EFHC1: variants seen among roughly 807,000 people sequenced by gnomAD.
The protein encoded by EFHC1 is EF-hand domain-containing protein 1.
Under a neutral mutation model 69.9 loss-of-function variants are expected in EFHC1, and 53 were observed. The observed-to-expected ratio is 0.76, with a 90% CI of 0.61 to 0.95. EFHC1 has a LOEUF of 0.95. Ranked by LOEUF, EFHC1 falls within the 40% of genes least tolerant of loss-of-function variation. EFHC1 has a pLI of 0.00. For missense variants in EFHC1, 739 were observed against 798.7 expected, an observed-to-expected ratio of 0.93 and a Z score of 0.90; for synonymous variants, 256 against 278.4, an observed-to-expected ratio of 0.92 and a Z score of 0.80.
chr6:52,469,575 T>C (rs1001817140), intron 7 of EFHC1, 102 bp downstream of exon 7: 72 of 1,527,942 alleles, frequency 4.7e-5, no homozygotes, highest in Non-Finnish European at 4.1e-5. Context: ...GTCAGAGTTA[T>C]GTGTTGACTC....
Position 52,493,863 on chromosome 6 carries a change from G to A in EFHC1, c.*1522G>A, listed in dbSNP as rs1460790687. On this transcript the variant is annotated 3_prime_UTR_variant, in exon 11 of 11. Transcript: ENST00000371068. ...GCCACCCAAAATGTGGTATGAATGA[G>A]GATAGAGTTACACAGAATTCAGACT... 1 of 454,062 alleles carries A rather than the reference G, an allele frequency of 2.2e-6. No homozygotes were observed. Among genetic ancestry groups the A allele is most frequent in the Non-Finnish European group, 4.4e-6 (1 of 226,784 alleles). The allele number at this position is 454,062 out of a possible 1,614,324, so 28.1% of individuals were successfully genotyped here.
intron 5 of EFHC1, among the ~76,000 whole-genome samples, chr6:52,461,131 C>A (rs1049096684): frequency 6.6e-6 from 1 of 151,952 alleles, no homozygotes; most frequent in Admixed American, 6.6e-5. Context: ...TATGAGTGAG[C>A]TTGTGTCATG....
intron 10 of EFHC1, chr6:52,490,820 T>C (rs1226496851): frequency 5.3e-6 from 1 of 188,458 alleles, no homozygotes; most frequent in East Asian, 1.3e-4. Flanking sequence ...CAGCAGCTGA[T>C]GGAGGAAGGG....
At chr6:52,472,219 G>T (rs1765453830) in intron 7 of EFHC1, among the ~76,000 whole-genome samples, 1 of 152,038 alleles carries the variant, frequency 6.6e-6, no homozygotes, top group South Asian at 2.1e-4. Flanking sequence ...ATCTGTTAAA[G>T]GTTATGTATG....
In EFHC1 at chr6:52,469,591, A is replaced by G. The variant is rs1765390534; in HGVS notation, c.1278+118A>G. On this transcript the variant is annotated intron_variant, in intron 7 of 10. Coordinates refer to ENST00000371068, the MANE Select transcript of EFHC1 (RefSeq NM_018100.4). ...TCAGAGTTATGTGTTGACTCAACCA[A>G]CCATTGTATCTAGTACCCAGCCTTC... 4 of 1,440,856 alleles carry G rather than the reference A, an allele frequency of 2.8e-6. No homozygotes were observed. In the Admixed American group the frequency reaches 6.9e-5, roughly 25 times the overall value. The allele number at this position is 1,440,856 out of a possible 1,614,324, so 89.3% of individuals were successfully genotyped here.
intron 3 of EFHC1, among the ~76,000 whole-genome samples, chr6:52,439,410 T>C (rs1764608916): frequency 1.3e-5 from 2 of 152,208 alleles, no homozygotes; most frequent in Non-Finnish European, 2.9e-5. Flanking sequence ...AGATATTTAT[T>C]TGCATGCCTG....
rs766487516 is a variant in EFHC1, at chr6:52,438,509, A to C, written c.491A>C (p.His164Pro). 2 of 1,614,136 alleles carry C rather than the reference A, an allele frequency of 1.2e-6. No homozygotes were observed. Among genetic ancestry groups the C allele is most frequent in the Non-Finnish European group, 1.7e-6 (2 of 1,179,984 alleles). ...AAGAATGACCGGGGTGACCATTACCATTGGAAAGACCTAAATCGAGGAATA... is the reference window on the plus strand; with the variant it reads ...AAGAATGACCGGGGTGACCATTACCCTTGGAAAGACCTAAATCGAGGAATA... ...LAKNDRGDHY[H>P]WKDLNRGINI... The change falls in exon 3 of 11, where the codon CAT (histidine) becomes CCT (proline). Residue 164 changes from histidine to proline, a missense_variant. By Grantham distance (77) the His-to-Pro change is moderately conservative. Coordinates refer to ENST00000371068, the MANE Select transcript of EFHC1 (RefSeq NM_018100.4).
intron 1 of EFHC1, chr6:52,420,907 A>C: frequency 1.4e-6 from 1 of 699,336 alleles, no homozygotes; most frequent in Non-Finnish European, 1.9e-6. Context: ...CGCCGCCCTT[A>C]AAACCCCCCG....
At chr6:52,427,749 T>G (rs1047106268) in intron 2 of EFHC1, among the ~76,000 whole-genome samples, 1 of 152,196 alleles carries the variant, frequency 6.6e-6, no homozygotes, top group Admixed American at 6.6e-5. Context: ...TCTGTGTCAC[T>G]GCTGAAAATT....
intron 6 of EFHC1, among the ~76,000 whole-genome samples, chr6:52,466,811 C>A (rs1253150549): frequency 6.6e-6 from 1 of 152,164 alleles, no homozygotes; most frequent in Non-Finnish European, 1.5e-5. Flanking sequence ...TTTTGGTATG[C>A]TGTGAGTTCC....
chr6:52,492,961 G>A lies in EFHC1; in HGVS notation c.*620G>A, dbSNP rs1354318682. 2 of 454,002 alleles carry A rather than the reference G, an allele frequency of 4.4e-6. No homozygotes were observed. The highest frequency in any genetic ancestry group is 2.0e-5 in the African/African-American group (1 of 50,076). 28.1% of individuals were successfully genotyped at this position (454,002 alleles called of 1,614,324 possible). A position where few individuals can be genotyped will look rare whatever the true frequency, so the allele number is the denominator to read the frequency against. On this transcript the variant is annotated 3_prime_UTR_variant, in exon 11 of 11. Coordinates refer to ENST00000371068, the MANE Select transcript of EFHC1 (RefSeq NM_018100.4). ...GGGGGTTTCTCTGAAGGTATTTTTC[G>A]ATGAGATAAACATTTGAATCAGAAG...
In EFHC1 at chr6:52,493,907, T is replaced by C. The variant is rs964453075; in HGVS notation, c.*1566T>C. The C allele has an allele frequency of 8.8e-6, 4 of 454,136 alleles. No individual in the cohort carries two copies. The highest frequency in any genetic ancestry group is 6.2e-5 in the South Asian group (4 of 64,484). 28.1% of individuals were successfully genotyped at this position (454,136 alleles called of 1,614,324 possible). A position where few individuals can be genotyped will look rare whatever the true frequency, so the allele number is the denominator to read the frequency against. On this transcript the variant is annotated 3_prime_UTR_variant, in exon 11 of 11. Transcript: ENST00000371068. ...TCAGACTGCTTTGCCCTCTCAGAAC[T>C]TCTAGGGAACTTCCCTTGGTGTTTC...
At chr6:52,448,328 G>A (rs1182597861) in intron 3 of EFHC1, among the ~76,000 whole-genome samples, 1 of 152,230 alleles carries the variant, frequency 6.6e-6, no homozygotes, top group Non-Finnish European at 1.5e-5. Flanking sequence ...ACGCTGCTGT[G>A]CTAGCAGTGA....
At position 52,493,985 on chromosome 6, in the gene EFHC1, T is replaced by C. The variant is rs541156757; in HGVS notation, c.*1644T>C. ...ACCAGCTTATTGAAAGGGCTGTGAATGTATTATGTTGATTCCTTTTCTGTT... is the reference window on the plus strand; with the variant it reads ...ACCAGCTTATTGAAAGGGCTGTGAACGTATTATGTTGATTCCTTTTCTGTT... On this transcript the variant is annotated 3_prime_UTR_variant, in exon 11 of 11. Coordinates refer to ENST00000371068, the MANE Select transcript of EFHC1 (RefSeq NM_018100.4). 1 of 454,092 alleles carries C rather than the reference T, an allele frequency of 2.2e-6. No individual in the cohort carries two copies. Among genetic ancestry groups the C allele is most frequent in the African/African-American group, 2.0e-5 (1 of 50,114 alleles). 28.1% of individuals were successfully genotyped at this position (454,092 alleles called of 1,614,324 possible). A position where few individuals can be genotyped will look rare whatever the true frequency, so the allele number is the denominator to read the frequency against.
intron 2 of EFHC1, chr6:52,437,782 A>G (rs1764565441): frequency 6.1e-6 from 1 of 162,788 alleles, no homozygotes; most frequent in East Asian, 1.8e-4. Context: ...GCATACCTCT[A>G]TCCTTAAGAT....
chr6:52,441,288 A>C (rs975966954), intron 3 of EFHC1, among the ~76,000 whole-genome samples: 2 of 152,082 alleles, frequency 1.3e-5, no homozygotes, highest in Admixed American at 6.6e-5. Context: ...TAAGTCTTTT[A>C]TCTATCTTGA....
chr6:52,485,912 A>T (rs1412287963), intron 9 of EFHC1: 1 of 152,160 alleles, frequency 6.6e-6, no homozygotes. Flanking sequence ...GGGGTAAGAG[A>T]TCCATTGCCA....
chr6:52,484,518 G>A (rs2114029996), intron 9 of EFHC1: 1 of 152,286 alleles, frequency 6.6e-6, no homozygotes, highest in South Asian at 2.1e-4. Flanking sequence ...GAAGATGACT[G>A]GATTTTCATG....
chr6:52,494,337 AAG>A lies in EFHC1; in HGVS notation c.*1999_*2000del, dbSNP rs1581858022. On this transcript the variant is annotated 3_prime_UTR_variant, in exon 11 of 11. Transcript: ENST00000371068. ...CCCCCAGGCTTAGAAGCCTGTGGTA[AAG>A]AGTGTGTGTATACTGGGGTGATGAT... 2.2e-6 allele frequency: 1 copy of A among 454,092 alleles called. No homozygotes were observed. The allele number at this position is 454,092 out of a possible 1,614,324, so 28.1% of individuals were successfully genotyped here.
Sources: allele counts gnomAD v4.1 joint callset (sites outside exome capture counted in the v4.1 genomes callset), GRCh38; gene constraint gnomAD v4.1.1; transcripts MANE v1.5; gene names NCBI Gene and HGNC (gene_info 2026-07-23, HGNC 2026-07-21).